ANKRD18A: variants seen among roughly 807,000 people sequenced by gnomAD.
ANKRD18A encodes ankyrin repeat domain 18A.
A neutral mutation model predicts 110.6 loss-of-function variants in ANKRD18A; 72 were observed. The observed-to-expected ratio is 0.65, with a 90% CI of 0.54 to 0.79. The LOEUF is 0.79. ANKRD18A is among the 30% of genes least tolerant of loss of function. ANKRD18A has a pLI of 0.00. For missense variants in ANKRD18A, 934 were observed against 1,163.3 expected, an observed-to-expected ratio of 0.80 and a Z score of 2.87; for synonymous variants, 305 against 410.3, an observed-to-expected ratio of 0.74 and a Z score of 3.10.
chr9:38,614,501 C>T (rs1482775495), intron 3 of ANKRD18A, among the ~76,000 whole-genome samples: 1 of 152,104 alleles, frequency 6.6e-6, no homozygotes, highest in Non-Finnish European at 1.5e-5. Flanking sequence ...TCTATTACAT[C>T]AAAATCCTCA....
At chr9:38,574,975 T>C (rs1352308176) in intron 15 of ANKRD18A, among the ~76,000 whole-genome samples, 1 of 151,736 alleles carries the variant, frequency 6.6e-6, no homozygotes, top group Admixed American at 6.6e-5. Context: ...ACACCTGTAG[T>C]CCCAGCTACT....
At chr9:38,575,423 A>G in intron 15 of ANKRD18A, 53 bp downstream of exon 15, 1 of 1,462,684 alleles carries the variant, frequency 6.8e-7, no homozygotes, top group African/African-American at 1.4e-5. Flanking sequence ...AATTATAGAC[A>G]AGAATTATAT....
At chr9:38,619,440 A>G (rs574971412) in intron 1 of ANKRD18A, among the ~76,000 whole-genome samples, 1 of 152,138 alleles carries the variant, frequency 6.6e-6, no homozygotes, top group Non-Finnish European at 1.5e-5. Context: ...TTCAGCTGTT[A>G]GTAAATAATT....
In ANKRD18A at chr9:38,575,526, G is replaced by T; in HGVS notation, c.2914C>A (p.Pro972Thr). The T allele has an allele frequency of 6.4e-7, 1 of 1,551,604 alleles. No individual in the cohort carries two copies. The highest frequency in any genetic ancestry group is 8.7e-7 in the Non-Finnish European group (1 of 1,146,842). The change falls in exon 15 of 16, where the codon CCT becomes ACT. Residue 972 changes from proline (P) to threonine (T), a missense_variant. Physicochemically the swap from Pro to Thr is conservative, Grantham distance 38. This residue lies in a region of ANKRD18A where 223 missense variants were observed against 226.7 expected (regional missense o/e 0.98). Transcript: ENST00000399703. Reference protein sequence around the residue: ...KYIPKTAIRIPTSNPQTSNNC... With the variant: ...KYIPKTAIRITTSNPQTSNNC... ...TTTGAAGTCTGTGGGTTTGAAGTAG[G>T]AATTCTTATGGCCGTTTTGGGAATA...
intron 9 of ANKRD18A, among the ~76,000 whole-genome samples, chr9:38,594,699 A>G (rs186503349): frequency 1.3e-5 from 2 of 152,310 alleles, no homozygotes; most frequent in East Asian, 3.9e-4. Flanking sequence ...AGTTACACCA[A>G]CTAAAATACA....
intron 3 of ANKRD18A, among the ~76,000 whole-genome samples, chr9:38,614,673 T>C (rs1335131017): frequency 6.6e-6 from 1 of 151,750 alleles, no homozygotes; most frequent in Non-Finnish European, 1.5e-5. Flanking sequence ...GAGAGGAGTA[T>C]GAGATAGAGT....
intron 3 of ANKRD18A, among the ~76,000 whole-genome samples, chr9:38,612,738 C>A (rs1447601402): frequency 6.6e-6 from 1 of 151,978 alleles, no homozygotes; most frequent in Non-Finnish European, 1.5e-5. Flanking sequence ...AGGATGGTCT[C>A]CATCTCCTGA....
At chr9:38,572,599 C>T (rs7027593) in intron 15 of ANKRD18A, 48,815 of 153,420 alleles carry the variant, frequency 0.32, 7,960 homozygotes, top group East Asian at 0.43. Context: ...CCCTGCGGAG[C>T]TCTATTCTGT....
intron 5 of ANKRD18A, among the ~76,000 whole-genome samples, chr9:38,609,397 C>A (rs535369752): frequency 6.6e-6 from 1 of 151,974 alleles, no homozygotes; most frequent in Non-Finnish European, 1.5e-5. Flanking sequence ...AGGAGAATAG[C>A]GTGAACCCAG....
At chr9:38,574,438 G>T (rs1433219979) in intron 15 of ANKRD18A, among the ~76,000 whole-genome samples, 2 of 152,194 alleles carry the variant, frequency 1.3e-5, no homozygotes, top group South Asian at 2.1e-4. Context: ...TAGTAATGGG[G>T]TTGCTGCATG....
intron 3 of ANKRD18A, among the ~76,000 whole-genome samples, chr9:38,615,286 C>T (rs1210670549): frequency 6.6e-6 from 1 of 152,060 alleles, no homozygotes; most frequent in East Asian, 1.9e-4. Context: ...AAGCCTATTT[C>T]CAGGGTAATT....
chr9:38,594,013 C>A, intron 9 of ANKRD18A, 104 bp from the exon 10 acceptor site: 2 of 1,171,716 alleles, frequency 1.7e-6, no homozygotes, highest in Non-Finnish European at 2.3e-6. Context: ...ACCACACACA[C>A]AGATTCACTT....
chr9:38,568,168 T>G (rs1482472047), downstream of ANKRD18A: 3 of 152,492 alleles, frequency 2.0e-5, no homozygotes, highest in Admixed American at 2.0e-4. Context: ...CACTTGAACA[T>G]GGAGTCCTTC....
intron 5 of ANKRD18A, among the ~76,000 whole-genome samples, chr9:38,609,846 A>G (rs528183020): frequency 6.6e-6 from 1 of 151,976 alleles, no homozygotes; most frequent in East Asian, 1.9e-4. Flanking sequence ...TAATTAGAAA[A>G]GTCAGGCCAG....
At chr9:38,576,921 T>G (rs1430824078) in intron 14 of ANKRD18A, 132 bp downstream of exon 14, 1 of 734,040 alleles carries the variant, frequency 1.4e-6, no homozygotes, top group Non-Finnish European at 2.2e-6. Context: ...ACTAACATTA[T>G]TTTCCAAAAT....
intron 6 of ANKRD18A, 79 bp from the exon 7 acceptor site, chr9:38,603,291 T>G (rs1825210537): frequency 2.0e-6 from 3 of 1,533,906 alleles, no homozygotes; most frequent in Non-Finnish European, 2.6e-6. Context: ...AAAGTTTCAC[T>G]TACTCTGCAT....
intron 12 of ANKRD18A, among the ~76,000 whole-genome samples, chr9:38,582,430 G>A (rs1200938346): frequency 2.0e-5 from 3 of 152,026 alleles, no homozygotes; most frequent in Non-Finnish European, 2.9e-5. Context: ...TATGACATAA[G>A]ACAACTGGTA....
downstream of ANKRD18A, chr9:38,571,059 G>A (rs1052398943): frequency 6.8e-4 from 984 of 1,436,640 alleles, no homozygotes; most frequent in Non-Finnish European, 8.5e-4. Context: ...TTGAGGCTGA[G>A]CCAGGGACCA....
chr9:38,611,450 G>A (rs1047177170), intron 3 of ANKRD18A, 129 bp from the exon 4 acceptor site: 18 of 1,452,360 alleles, frequency 1.2e-5, no homozygotes, highest in African/African-American at 2.9e-5. Context: ...AAGCAGTCCC[G>A]TCCCTTTCAC....
Sources: allele counts gnomAD v4.1 joint callset (sites outside exome capture counted in the v4.1 genomes callset), GRCh38; gene constraint gnomAD v4.1.1; regional missense constraint gnomAD v4.1.1; transcripts MANE v1.5; gene names NCBI Gene and HGNC (gene_info 2026-07-23, HGNC 2026-07-21).